Variants in DCLK1 observed in about 807,000 individuals in gnomAD.
DCLK1 encodes the protein serine/threonine-protein kinase DCLK1.
A neutral mutation model predicts 86.2 loss-of-function variants in DCLK1; 16 were observed. The ratio of observed to expected loss-of-function variants is 0.19; its 90% CI spans 0.13 to 0.28. The LOEUF is 0.28. Ranked by LOEUF, DCLK1 falls within the 10% of genes least tolerant of loss-of-function variation. DCLK1 has a pLI of 1.00. For missense variants in DCLK1, 590 were observed against 940.2 expected, an observed-to-expected ratio of 0.63 and a Z score of 4.87; for synonymous variants, 369 against 370.5, an observed-to-expected ratio of 1.00 and a Z score of 0.05.
intron 5 of DCLK1, among the ~76,000 whole-genome samples, chr13:35,868,057 C>G (rs930370744): frequency 2.2e-5 from 3 of 136,316 alleles, no homozygotes; most frequent in Admixed American, 1.6e-4. Context: ...GAGTCTTGCT[C>G]TGTTGCCCAG....
chr13:35,911,569 T>C (rs1875035359), intron 4 of DCLK1, among the ~76,000 whole-genome samples: 1 of 152,174 alleles, frequency 6.6e-6, no homozygotes, highest in African/African-American at 2.4e-5. Flanking sequence ...GCTGTTGTAG[T>C]ATTTATGCCT....
chr13:35,949,424 G>C (rs1191418756), intron 3 of DCLK1, among the ~76,000 whole-genome samples: 1 of 152,172 alleles, frequency 6.6e-6, no homozygotes, highest in Non-Finnish European at 1.5e-5. Context: ...GGGAGCACAG[G>C]AAAGACAGAA....
chr13:36,031,343 G>A (rs1449302379), intron 3 of DCLK1, among the ~76,000 whole-genome samples: 18 of 149,180 alleles, frequency 1.2e-4, no homozygotes, highest in Non-Finnish European at 2.1e-4. Context: ...AAAAAAAGAC[G>A]AGCTTCAAAA....
intron 4 of DCLK1, among the ~76,000 whole-genome samples, chr13:35,931,733 C>A (rs1876443346): frequency 6.6e-6 from 1 of 152,072 alleles, no homozygotes; most frequent in African/African-American, 2.4e-5. Context: ...TGGGAAGTAC[C>A]AGGCTATAGT....
At chr13:36,061,781 C>T (rs1883556649) in intron 3 of DCLK1, among the ~76,000 whole-genome samples, 1 of 152,150 alleles carries the variant, frequency 6.6e-6, no homozygotes, top group African/African-American at 2.4e-5. Context: ...TATTCCAAAA[C>T]AACCAAACAT....
At chr13:35,815,027 T>G (rs2087237673) in intron 11 of DCLK1, among the ~76,000 whole-genome samples, 2 of 152,182 alleles carry the variant, frequency 1.3e-5, no homozygotes, top group African/African-American at 2.4e-5. Context: ...AAGGTTCCAA[T>G]TAAAACCTGA....
intron 11 of DCLK1, 71 bp from the exon 12 acceptor site, chr13:35,811,039 GA>G: frequency 6.3e-7 from 1 of 1,588,330 alleles, no homozygotes; most frequent in Non-Finnish European, 8.6e-7. Context: ...AAGAAATGAG[GA>G]ACACTGTGTT....
chr13:35,858,629 G>A (rs1034194256), intron 5 of DCLK1, among the ~76,000 whole-genome samples: 10 of 152,056 alleles, frequency 6.6e-5, no homozygotes, highest in East Asian at 1.9e-4. Context: ...CGGGACACTC[G>A]GATCTGCCTC....
chr13:35,990,431 C>T (rs1437932576), intron 3 of DCLK1, among the ~76,000 whole-genome samples: 1 of 151,928 alleles, frequency 6.6e-6, no homozygotes, highest in Non-Finnish European at 1.5e-5. Flanking sequence ...GGCTATTGCG[C>T]CTCTGATCTC....
intron 6 of DCLK1, chr13:35,848,264 A>T: frequency 1.0e-6 from 1 of 984,838 alleles, no homozygotes; most frequent in Non-Finnish European, 1.2e-6. Flanking sequence ...AGTGCCTATA[A>T]ATCACCAATT....
At chr13:36,076,129 G>A (rs1464966247) in intron 3 of DCLK1, among the ~76,000 whole-genome samples, 1 of 152,128 alleles carries the variant, frequency 6.6e-6, no homozygotes, top group African/African-American at 2.4e-5. Context: ...TTTCTTAAGA[G>A]TCAAAAGAAT....
intron 3 of DCLK1, among the ~76,000 whole-genome samples, chr13:36,056,904 A>ATATATATAT (rs1370008774): frequency 1.6e-5 from 2 of 127,428 alleles, no homozygotes; most frequent in South Asian, 2.5e-4. Context: ...AAAAAAAAAA[A>ATATATATAT]AAATATATAT....
At chr13:35,808,984 T>C in intron 13 of DCLK1, 34 bp downstream of exon 13, 2 of 1,589,894 alleles carry the variant, frequency 1.3e-6, no homozygotes, top group Non-Finnish European at 1.7e-6. Context: ...GAGAAATGCT[T>C]TGTCGGCGCT....
rs1884067819 is a variant in DCLK1, at chr13:36,073,855, A to G, written c.723+38014T>C. On this transcript the variant is annotated intron_variant, in intron 3 of 16. Transcript: ENST00000360631. ...AGACATGTGGACCATGACCACAGAC[A>G]GATCCGCACCTGAATTACTATGCCT... 3.3e-5 allele frequency among the ~76,000 whole-genome samples: 5 copies of G among 152,348 alleles called. No homozygotes were observed. In the South Asian group the frequency reaches 1.0e-3, roughly 32 times the overall value.
chr13:35,995,446 G>C (rs1160383213), intron 3 of DCLK1, among the ~76,000 whole-genome samples: 2 of 152,182 alleles, frequency 1.3e-5, no homozygotes, highest in Non-Finnish European at 2.9e-5. Context: ...ACAAAGACAA[G>C]GAAACCAATC....
intron 4 of DCLK1, among the ~76,000 whole-genome samples, chr13:35,932,442 A>G (rs941879009): frequency 6.6e-6 from 1 of 152,218 alleles, no homozygotes; most frequent in South Asian, 2.1e-4. Context: ...GTATTAGTCC[A>G]TGTTCACACT....
chr13:35,911,688 G>C (rs34277704), intron 4 of DCLK1, among the ~76,000 whole-genome samples: 1 of 152,174 alleles, frequency 6.6e-6, no homozygotes, highest in African/African-American at 2.4e-5. Flanking sequence ...GCTGCTACTA[G>C]GATGTGGATC....
chr13:35,990,202 T>C (rs190275571), intron 3 of DCLK1, among the ~76,000 whole-genome samples: 3 of 152,316 alleles, frequency 2.0e-5, no homozygotes, highest in Non-Finnish European at 2.9e-5. Flanking sequence ...AATATCAGAG[T>C]ACAAGTTGTA....
At chr13:35,970,865 C>T (rs1041476701) in intron 3 of DCLK1, among the ~76,000 whole-genome samples, 2 of 152,138 alleles carry the variant, frequency 1.3e-5, no homozygotes, top group African/African-American at 4.8e-5. Flanking sequence ...AAAGAGTAGC[C>T]TCATTTCAGT....
Sources: allele counts gnomAD v4.1 joint callset (sites outside exome capture counted in the v4.1 genomes callset), GRCh38; gene constraint gnomAD v4.1.1; transcripts MANE v1.5; gene names NCBI Gene and HGNC (gene_info 2026-07-23, HGNC 2026-07-21).